Variants in SASH1 observed in about 807,000 individuals in gnomAD.
SASH1 encodes SAM and SH3 domain containing 1, also known as SAM and SH3 domain-containing protein 1.
In SASH1, 44 loss-of-function variants were observed where a neutral mutation model predicts 125.2. The observed-to-expected ratio is 0.35, with a 90% confidence interval of 0.28 to 0.45. The LOEUF is 0.45. Ranked by LOEUF, SASH1 falls within the 20% of genes least tolerant of loss-of-function variation. The pLI, the probability that SASH1 is intolerant of heterozygous loss-of-function variation, is 1.00. For synonymous variants in SASH1, 639 were observed against 649.1 expected, an observed-to-expected ratio of 0.98 and a Z score of 0.24; for missense variants, 1,426 against 1,614.5, an observed-to-expected ratio of 0.88 and a Z score of 2.00.
At chr6:148,467,805 C>T (rs539864373) in intron 4 of SASH1, among the ~76,000 whole-genome samples, 14 of 152,214 alleles carry the variant, frequency 9.2e-5, no homozygotes, top group African/African-American at 3.4e-4. Flanking sequence ...GGCGTGATGG[C>T]GCATACCTGT....
chr6:148,365,878 C>T (rs1176263856), intron 1 of SASH1, among the ~76,000 whole-genome samples: 3 of 151,860 alleles, frequency 2.0e-5, no homozygotes, highest in African/African-American at 7.3e-5. Flanking sequence ...TTTGGGAGGC[C>T]AAGGCAGGCA....
intron 1 of SASH1, among the ~76,000 whole-genome samples, chr6:148,366,931 T>A (rs1410886289): frequency 2.0e-5 from 3 of 149,978 alleles, no homozygotes; most frequent in Non-Finnish European, 4.4e-5. Context: ...TTCCTTCTCA[T>A]CATCTTTGGG....
At chr6:148,498,072 T>C (rs746424442) in intron 8 of SASH1, among the ~76,000 whole-genome samples, 2 of 151,954 alleles carry the variant, frequency 1.3e-5, no homozygotes, top group African/African-American at 2.4e-5. Context: ...TGCTTGCTGC[T>C]TGGAGGCCTT....
At chr6:148,214,544 G>A in the SASH1 span, among the ~76,000 whole-genome samples, 57 of 152,154 alleles carry the variant, frequency 3.7e-4, 1 homozygote, top group African/African-American at 1.3e-3. Context: ...ACTTACTTAG[G>A]ACAGTGTCTA....
At chr6:148,518,792 G>C (rs1780621691) in intron 9 of SASH1, among the ~76,000 whole-genome samples, 1 of 152,174 alleles carries the variant, frequency 6.6e-6, no homozygotes, top group South Asian at 2.1e-4. Flanking sequence ...GGGCTCTGGA[G>C]GGCTTGGCTT....
At chr6:148,418,993 A>G (rs982098224) in intron 2 of SASH1, among the ~76,000 whole-genome samples, 6 of 152,092 alleles carry the variant, frequency 3.9e-5, no homozygotes, top group East Asian at 1.9e-4. Flanking sequence ...CCATTCTGGC[A>G]TTGTCACGTG....
the SASH1 span, among the ~76,000 whole-genome samples, chr6:148,222,977 T>A: frequency 6.6e-6 from 1 of 152,196 alleles, no homozygotes; most frequent in Non-Finnish European, 1.5e-5. Context: ...ATAATAGTAC[T>A]TCGCATGCGA....
chr6:148,486,833 G>A (rs1168427125), intron 7 of SASH1, among the ~76,000 whole-genome samples: 1 of 147,210 alleles, frequency 6.8e-6, no homozygotes, highest in African/African-American at 2.5e-5. Context: ...GCTGGGGTGG[G>A]ATCGCTTGAG....
intron 1 of SASH1, among the ~76,000 whole-genome samples, chr6:148,359,239 A>T (rs1782086492): frequency 6.7e-6 from 1 of 149,098 alleles, no homozygotes; most frequent in East Asian, 2.0e-4. Flanking sequence ...GCTCACTGTA[A>T]CCTCCGCCTC....
intron 1 of SASH1, among the ~76,000 whole-genome samples, chr6:148,326,844 T>TA (rs1043461965): frequency 6.6e-6 from 1 of 152,186 alleles, no homozygotes; most frequent in African/African-American, 2.4e-5. Flanking sequence ...GCATACATAA[T>TA]AAAATCCGCC....
the SASH1 span, among the ~76,000 whole-genome samples, chr6:148,256,383 C>G: frequency 2.3e-4 from 35 of 152,138 alleles, no homozygotes; most frequent in Non-Finnish European, 4.4e-4. Flanking sequence ...GTTTTAAAAT[C>G]ACATTCTTTT....
intron 1 of SASH1, among the ~76,000 whole-genome samples, chr6:148,378,199 G>T (rs1372912437): frequency 6.6e-6 from 1 of 151,760 alleles, no homozygotes; most frequent in Non-Finnish European, 1.5e-5. Context: ...TTACAGGCAT[G>T]CGCCACCATG....
At chr6:148,490,039 A>AC (rs1779038948) in intron 8 of SASH1, among the ~76,000 whole-genome samples, 1 of 142,456 alleles carries the variant, frequency 7.0e-6, no homozygotes, top group Non-Finnish European at 1.5e-5. Context: ...AAAAACAAGA[A>AC]AACAAGATCA....
At chr6:148,227,805 G>C in the SASH1 span, among the ~76,000 whole-genome samples, 1 of 152,150 alleles carries the variant, frequency 6.6e-6, no homozygotes, top group African/African-American at 2.4e-5. Context: ...TCCATCACCT[G>C]AAATAGGAGA....
chr6:148,449,081 T>TTTC (rs59357893), intron 4 of SASH1, among the ~76,000 whole-genome samples: 3 of 134,324 alleles, frequency 2.2e-5, no homozygotes, highest in South Asian at 2.4e-4. Flanking sequence ...TTCATTTCTT[T>TTTC]TTTTTTTTTT....
chr6:148,510,451 G>T (rs933701314), intron 8 of SASH1, among the ~76,000 whole-genome samples: 1 of 152,138 alleles, frequency 6.6e-6, no homozygotes, highest in East Asian at 1.9e-4. Flanking sequence ...GTTTGAATGT[G>T]TGTGAATATA....
At chr6:148,487,092 TACACAC>T (rs1186673454) in intron 7 of SASH1, among the ~76,000 whole-genome samples, 3 of 118,708 alleles carry the variant, frequency 2.5e-5, no homozygotes, top group Admixed American at 8.8e-5. Flanking sequence ...CACATATATA[TACACAC>T]ACACACACAC....
intron 1 of SASH1, among the ~76,000 whole-genome samples, chr6:148,360,995 TG>T (rs1782178905): frequency 6.6e-6 from 1 of 152,188 alleles, no homozygotes; most frequent in Admixed American, 6.5e-5. Context: ...ATGTCCTTAC[TG>T]GGACACAGAC....
At chr6:148,465,867 A>G (rs1419966349) in intron 4 of SASH1, among the ~76,000 whole-genome samples, 2 of 152,120 alleles carry the variant, frequency 1.3e-5, no homozygotes, top group Admixed American at 1.3e-4. Context: ...TGAGCATGTT[A>G]CATTTGCTGC....
Sources: allele counts gnomAD v4.1 joint callset (sites outside exome capture counted in the v4.1 genomes callset), GRCh38; gene constraint gnomAD v4.1.1; transcripts MANE v1.5; gene names NCBI Gene and HGNC (gene_info 2026-07-23, HGNC 2026-07-21).